SNTG1: variants seen among roughly 807,000 people sequenced by gnomAD.
SNTG1 encodes the protein gamma-1-syntrophin.
A neutral mutation model predicts 74.7 loss-of-function variants in SNTG1; 39 were observed. That is an observed-to-expected ratio of 0.52 (90% CI 0.40 to 0.68). The LOEUF is 0.68. SNTG1 is among the 30% of genes least tolerant of loss of function. The pLI is 0.00. For synonymous variants in SNTG1, 254 were observed against 217.1 expected (o/e 1.17, Z -1.49); for missense variants, 685 against 609.5 (o/e 1.12, Z -1.30).
Position 50,062,289 on chromosome 8 carries a change from T to C in SNTG1, c.-102-110272T>C, listed in dbSNP as rs145371531. Among the ~76,000 whole-genome samples the C allele has an allele frequency of 2.4e-4, 36 of 152,224 alleles. 1 individual carries two copies. In the East Asian group the frequency reaches 6.6e-3, roughly 28 times the overall value. On this transcript the variant is annotated intron_variant, in intron 1 of 18. Transcript: ENST00000642720. ...CTCTAACTCCTGACCTCAGGTGATA[T>C]GCCTGCCTCGGCCTCCCAAAGTGCT...
intron 1 of SNTG1, among the ~76,000 whole-genome samples, chr8:49,953,797 C>G (rs976456511): frequency 3.3e-5 from 5 of 152,096 alleles, no homozygotes; most frequent in Non-Finnish European, 7.4e-5. Flanking sequence ...AAAAATAAAA[C>G]CAGTTTTGTG....
At chr8:50,073,402 T>C (rs573298659) in intron 1 of SNTG1, among the ~76,000 whole-genome samples, 76 of 152,310 alleles carry the variant, frequency 5.0e-4, no homozygotes, top group African/African-American at 1.7e-3. Flanking sequence ...TCTAGTTCTC[T>C]TGTTATTTCC....
Position 50,129,595 on chromosome 8 carries a change from C to T in SNTG1, c.-102-42966C>T, listed in dbSNP as rs117940148. Among the ~76,000 whole-genome samples, 849 of 152,050 alleles carry T rather than the reference C, an allele frequency of 5.6e-3. 20 individuals are homozygous for T. In the East Asian group the frequency reaches 0.1, roughly 18 times the overall value. ...AGGATCTGTGGGTTTGGATTCATAC[C>T]GTCTTGGTGGAGAAATGGCTCAGAC... On this transcript the variant is annotated intron_variant, in intron 1 of 18. Coordinates refer to ENST00000642720, the MANE Select transcript of SNTG1 (RefSeq NM_018967.5).
At chr8:49,968,520 G>A (rs951416396) in intron 1 of SNTG1, among the ~76,000 whole-genome samples, 1 of 152,008 alleles carries the variant, frequency 6.6e-6, no homozygotes, top group Non-Finnish European at 1.5e-5. Flanking sequence ...ATCACTAGAT[G>A]CAATACTGAA....
chr8:50,349,171 A>G (rs2091571014), intron 2 of SNTG1, among the ~76,000 whole-genome samples: 2 of 152,168 alleles, frequency 1.3e-5, no homozygotes, highest in Admixed American at 6.5e-5. Flanking sequence ...TGAAAAGTTC[A>G]CTTTTGTTAG....
At chr8:50,045,316 T>G (rs1818986739) in intron 1 of SNTG1, among the ~76,000 whole-genome samples, 2 of 152,266 alleles carry the variant, frequency 1.3e-5, no homozygotes, top group African/African-American at 2.4e-5. Context: ...CTCAGGAAAC[T>G]TACAATCATG....
rs1003629940 is a variant in SNTG1, at chr8:49,935,824, C to G, written c.-103+23593C>G. 3.3e-5 allele frequency among the ~76,000 whole-genome samples: 5 copies of G among 152,306 alleles called. No homozygotes were observed. In the East Asian group the frequency reaches 9.7e-4, roughly 29 times the overall value. ...ATAGCCTGGCAGATGTACTCACTTA[C>G]AGTCTTTCAAATTTGTATCCTAACT... On this transcript the variant is annotated intron_variant, in intron 1 of 18. Transcript: ENST00000642720.
At chr8:50,062,603 T>C (rs958962671) in intron 1 of SNTG1, among the ~76,000 whole-genome samples, 1 of 152,166 alleles carries the variant, frequency 6.6e-6, no homozygotes, top group Admixed American at 6.5e-5. Flanking sequence ...AGCTAAATAT[T>C]TTTTATTTTT....
intron 17 of SNTG1, among the ~76,000 whole-genome samples, chr8:50,712,601 T>C (rs1441485307): frequency 1.3e-5 from 2 of 152,232 alleles, no homozygotes; most frequent in Admixed American, 1.3e-4. Flanking sequence ...ACCCGTCATC[T>C]AGGTTTTAAC....
At chr8:50,685,695 A>G (rs1041244429) in intron 15 of SNTG1, among the ~76,000 whole-genome samples, 6 of 152,182 alleles carry the variant, frequency 3.9e-5, no homozygotes, top group Non-Finnish European at 8.8e-5. Context: ...AGAGATCAGT[A>G]TTTGTATTTA....
At chr8:49,931,974 G>C (rs753140138) in intron 1 of SNTG1, among the ~76,000 whole-genome samples, 4 of 152,170 alleles carry the variant, frequency 2.6e-5, no homozygotes, top group Non-Finnish European at 5.9e-5. Context: ...GTAGTTACTA[G>C]CTTTAAACAC....
intron 11 of SNTG1, among the ~76,000 whole-genome samples, chr8:50,543,078 TA>T (rs954284083): frequency 7.2e-5 from 11 of 152,210 alleles, no homozygotes; most frequent in Non-Finnish European, 1.0e-4. Context: ...AGAAGCTTTT[TA>T]GTTTGATGTA....
chr8:50,331,991 T>C lies in SNTG1; in HGVS notation c.-27-62221T>C, dbSNP rs142579596. Among the ~76,000 whole-genome samples, 5 of 152,350 alleles carry C rather than the reference T, an allele frequency of 3.3e-5. No homozygotes were observed. The East Asian group carries it at 9.7e-4, about 29-fold the overall frequency. On this transcript the variant is annotated intron_variant, in intron 2 of 18. Transcript: ENST00000642720. The stretch of plus-strand genomic sequence containing the variant: ...AAATTTTTGTTTTTTAAAATTATAG[T>C]ATCAGCAAATGGAATCACAAAGGTG...
chr8:50,274,615 T>G (rs1042337634), intron 2 of SNTG1, among the ~76,000 whole-genome samples: 4 of 152,210 alleles, frequency 2.6e-5, no homozygotes, highest in African/African-American at 4.8e-5. Flanking sequence ...GAGGACATTC[T>G]TCCCTTCTTC....
intron 11 of SNTG1, among the ~76,000 whole-genome samples, chr8:50,544,620 A>G (rs923939394): frequency 6.6e-6 from 1 of 152,026 alleles, no homozygotes; most frequent in African/African-American, 2.4e-5. Flanking sequence ...GACTCCTTAC[A>G]TTTTCATTTT....
chr8:50,469,364 T>C (rs1329655502), intron 8 of SNTG1, among the ~76,000 whole-genome samples: 1 of 151,428 alleles, frequency 6.6e-6, no homozygotes, highest in Non-Finnish European at 1.5e-5. Flanking sequence ...CTGCACTCCC[T>C]ATTCCCCTGC....
At chr8:50,190,070 C>A (rs529300697) in intron 2 of SNTG1, among the ~76,000 whole-genome samples, 25 of 152,124 alleles carry the variant, frequency 1.6e-4, no homozygotes, top group African/African-American at 5.1e-4. Flanking sequence ...ATTTATTAAT[C>A]CATTAAACAA....
chr8:50,267,202 T>A (rs1207807565), intron 2 of SNTG1, among the ~76,000 whole-genome samples: 1 of 152,080 alleles, frequency 6.6e-6, no homozygotes, highest in East Asian at 1.9e-4. Flanking sequence ...TGTATGAAGG[T>A]TTTTTTAGGG....
chr8:50,731,562 A>T (rs1343325052), intron 17 of SNTG1, among the ~76,000 whole-genome samples: 1 of 152,090 alleles, frequency 6.6e-6, no homozygotes, highest in East Asian at 1.9e-4. Context: ...AAGTGAATTA[A>T]ATAAGCCATC....
Sources: allele counts gnomAD v4.1 joint callset (sites outside exome capture counted in the v4.1 genomes callset), GRCh38; gene constraint gnomAD v4.1.1; transcripts MANE v1.5; gene names NCBI Gene and HGNC (gene_info 2026-07-23, HGNC 2026-07-21).